The following SGMS1 variants were observed in gnomAD, a reference collection of about 807,000 sequenced individuals.
SGMS1 encodes the protein sphingomyelin synthase 1.
SGMS1 carries 13 observed loss-of-function variants against 46.2 expected under a neutral mutation model. The observed-to-expected ratio is 0.28, with a 90% CI of 0.18 to 0.45. The LOEUF is 0.45. Among genes scored for constraint, SGMS1 ranks in the 20% least tolerant of loss-of-function variants. The pLI is 1.00. For missense variants in SGMS1, 324 were observed against 519.9 expected (o/e 0.62, Z 3.66); for synonymous variants, 203 against 187.8 (o/e 1.08, Z -0.66).
chr10:50,362,792 C>T (rs1848271092), intron 6 of SGMS1, among the ~76,000 whole-genome samples: 1 of 152,060 alleles, frequency 6.6e-6, no homozygotes, highest in Non-Finnish European at 1.5e-5. Context: ...AATGTAAAAA[C>T]AAGACATGAT....
chr10:50,498,942 T>C (rs946495625), intron 3 of SGMS1, among the ~76,000 whole-genome samples: 1 of 152,194 alleles, frequency 6.6e-6, no homozygotes, highest in African/African-American at 2.4e-5. Context: ...AGTGCACGAG[T>C]GTTCCAATTT....
chr10:50,558,590 G>A (rs1189079210), intron 2 of SGMS1, among the ~76,000 whole-genome samples: 1 of 152,122 alleles, frequency 6.6e-6, no homozygotes, highest in Non-Finnish European at 1.5e-5. Context: ...AAATGTCCAT[G>A]CTTTCCAGTA....
At chr10:50,499,772 T>C (rs372706323) in intron 3 of SGMS1, among the ~76,000 whole-genome samples, 54 of 152,206 alleles carry the variant, frequency 3.5e-4, no homozygotes, top group East Asian at 3.5e-3. Context: ...TGAGACAAGA[T>C]TGGTTTTCCC....
intron 1 of SGMS1, among the ~76,000 whole-genome samples, chr10:50,593,479 C>A (rs1838561550): frequency 6.6e-6 from 1 of 152,014 alleles, no homozygotes; most frequent in Non-Finnish European, 1.5e-5. Context: ...TCTCATGTAC[C>A]TAATACCAGT....
At chr10:50,624,915 C>G, upstream of SGMS1, 4 of 1,008,314 alleles carry the variant, frequency 4.0e-6, no homozygotes, top group Non-Finnish European at 4.8e-6. Flanking sequence ...ACGGGCCCGG[C>G]GTACCACGTG....
chr10:50,524,328 T>C (rs947418504), intron 2 of SGMS1, among the ~76,000 whole-genome samples: 1 of 152,218 alleles, frequency 6.6e-6, no homozygotes, highest in Non-Finnish European at 1.5e-5. Context: ...TCTGAGCCTC[T>C]GGGCTTGATA....
intron 2 of SGMS1, among the ~76,000 whole-genome samples, chr10:50,525,834 C>T (rs1437415247): frequency 6.6e-6 from 1 of 152,192 alleles, no homozygotes; most frequent in Non-Finnish European, 1.5e-5. Flanking sequence ...AGCTTTAAGA[C>T]AATGACTTTC....
At chr10:50,528,139 T>C (rs1837921191) in intron 2 of SGMS1, among the ~76,000 whole-genome samples, 1 of 152,236 alleles carries the variant, frequency 6.6e-6, no homozygotes, top group Non-Finnish European at 1.5e-5. Context: ...CCAAAAAGTA[T>C]GCAACTTACA....
intron 3 of SGMS1, among the ~76,000 whole-genome samples, chr10:50,504,109 G>A (rs1837685059): frequency 6.6e-6 from 1 of 152,152 alleles, no homozygotes; most frequent in African/African-American, 2.4e-5. Flanking sequence ...TCTGAAAATT[G>A]AGACACAGTC....
At chr10:50,499,963 T>A (rs1007798216) in intron 3 of SGMS1, among the ~76,000 whole-genome samples, 1 of 152,214 alleles carries the variant, frequency 6.6e-6, no homozygotes, top group African/African-American at 2.4e-5. Context: ...GGTCTGGAGT[T>A]CGAGACCAGC....
chr10:50,576,578 T>C (rs948029738), intron 2 of SGMS1, among the ~76,000 whole-genome samples: 22 of 152,198 alleles, frequency 1.4e-4, no homozygotes, highest in Non-Finnish European at 3.1e-4. Flanking sequence ...ATTTTTCCCA[T>C]AGAAAAGCTG....
At chr10:50,316,860 C>T (rs992288816) in intron 8 of SGMS1, among the ~76,000 whole-genome samples, 27 of 152,184 alleles carry the variant, frequency 1.8e-4, no homozygotes, top group African/African-American at 5.8e-4. Context: ...TGGTGTCCCT[C>T]AACATCAACT....
intron 6 of SGMS1, among the ~76,000 whole-genome samples, chr10:50,384,339 T>C (rs969293310): frequency 8.5e-5 from 13 of 152,134 alleles, no homozygotes; most frequent in African/African-American, 2.9e-4. Context: ...CAACCTCAGA[T>C]AGATTTTTAA....
intron 2 of SGMS1, among the ~76,000 whole-genome samples, chr10:50,539,063 C>A (rs77598782): frequency 1.0e-3 from 155 of 152,348 alleles, no homozygotes; most frequent in Non-Finnish European, 1.7e-3. Context: ...TCAGGGCAAG[C>A]GTTCTTGCCA....
intron 6 of SGMS1, among the ~76,000 whole-genome samples, chr10:50,413,726 A>G (rs1227555250): frequency 6.6e-6 from 1 of 152,234 alleles, no homozygotes; most frequent in African/African-American, 2.4e-5. Flanking sequence ...GCAGAGAACC[A>G]TTGAGTTAAG....
At chr10:50,550,369 T>A (rs903633717) in intron 2 of SGMS1, among the ~76,000 whole-genome samples, 2 of 152,200 alleles carry the variant, frequency 1.3e-5, no homozygotes, top group Non-Finnish European at 2.9e-5. Context: ...ATGAAGCAAC[T>A]GCAAGTTCTA....
At chr10:50,448,326 A>G (rs761081808) in intron 5 of SGMS1, among the ~76,000 whole-genome samples, 14 of 152,232 alleles carry the variant, frequency 9.2e-5, no homozygotes, top group Admixed American at 2.6e-4. Flanking sequence ...TTTCTTTAAT[A>G]TCTGGCTTAA....
In SGMS1 at chr10:50,377,376, G is replaced by GTCC. The variant is rs1848535777; in HGVS notation, c.-231-33034_-231-33032dup. ...GGGTTACTCCATTCATAAGGGCAGAGTCCTCATAACTCAATCACTTCTTAG... is the reference window on the plus strand; with the variant it reads ...GGGTTACTCCATTCATAAGGGCAGAGTCCTCCTCATAACTCAATCACTTCTTAG... On this transcript the variant is annotated intron_variant, in intron 6 of 10. Coordinates refer to ENST00000361781, the MANE Select transcript of SGMS1 (RefSeq NM_147156.4). Among the ~76,000 whole-genome samples, 19 of 152,260 alleles carry GTCC rather than the reference G, an allele frequency of 1.2e-4. No homozygotes were observed. In the South Asian group the frequency reaches 3.9e-3, roughly 32 times the overall value.
At chr10:50,466,625 A>G (rs1837332211) in intron 4 of SGMS1, among the ~76,000 whole-genome samples, 1 of 152,194 alleles carries the variant, frequency 6.6e-6, no homozygotes, top group Non-Finnish European at 1.5e-5. Context: ...TATGTATGTA[A>G]AGAGTTGGAA....
Sources: allele counts gnomAD v4.1 joint callset (sites outside exome capture counted in the v4.1 genomes callset), GRCh38; gene constraint gnomAD v4.1.1; transcripts MANE v1.5; gene names NCBI Gene and HGNC (gene_info 2026-07-23, HGNC 2026-07-21).